MFAP1: variants seen among roughly 807,000 people sequenced by gnomAD.
MFAP1 encodes the protein microfibril associated protein 1.
In MFAP1, 18 loss-of-function variants were observed where a neutral mutation model predicts 62.2. The observed-to-expected ratio is 0.29, with a 90% CI of 0.20 to 0.43. MFAP1 has a LOEUF of 0.43. Among genes scored for constraint, MFAP1 ranks in the 20% least tolerant of loss-of-function variants. The probability of loss-of-function intolerance (pLI) is 1.00; values close to 1 mark genes in which losing one functional copy is unlikely to be tolerated. For missense variants in MFAP1, 355 were observed against 559.7 expected, an observed-to-expected ratio of 0.63 and a Z score of 3.69; for synonymous variants, 175 against 180.4, an observed-to-expected ratio of 0.97 and a Z score of 0.24.
In MFAP1 at chr15:43,812,980, T is replaced by C. The variant is rs765071360; in HGVS notation, c.887+7A>G. 6 of 1,613,950 alleles carry C rather than the reference T, an allele frequency of 3.7e-6. No individual in the cohort carries two copies. The highest frequency in any genetic ancestry group is 3.3e-5 in the South Asian group (3 of 91,032). On this transcript the variant is annotated splice_region_variant and intron_variant, in intron 6 of 8. Transcript: ENST00000267812. ...AGCATTAACTCTAGGCTCATCTTTTTACTCACGCTTCTCGATCTTCTCTGT... is the reference window on the plus strand; with the variant it reads ...AGCATTAACTCTAGGCTCATCTTTTCACTCACGCTTCTCGATCTTCTCTGT...
At position 43,804,753 on chromosome 15, in the gene MFAP1, G is replaced by A. The variant is rs2087350901; in HGVS notation, c.*341C>T. 1 of 202,972 alleles carries A rather than the reference G, an allele frequency of 4.9e-6. No homozygotes were observed. Among genetic ancestry groups the A allele is most frequent in the Admixed American group, 5.9e-5 (1 of 16,980 alleles). 12.6% of individuals were successfully genotyped at this position (202,972 alleles called of 1,614,324 possible). ...GAAGTAATGCATTGTTCACTTACAT[G>A]TCCACTTTTCTAACCCAAGCTAAGG... On this transcript the variant is annotated 3_prime_UTR_variant, in exon 9 of 9. Transcript: ENST00000267812.
At chr15:43,820,289 C>G (rs1422261608) in intron 1 of MFAP1, among the ~76,000 whole-genome samples, 1 of 152,160 alleles carries the variant, frequency 6.6e-6, no homozygotes, top group African/African-American at 2.4e-5. Flanking sequence ...TGCACTCCAG[C>G]CTAGGCGACA....
At chr15:43,807,217 G>A (rs1329054421) in intron 7 of MFAP1, among the ~76,000 whole-genome samples, 1 of 151,384 alleles carries the variant, frequency 6.6e-6, no homozygotes, top group African/African-American at 2.4e-5. Flanking sequence ...TGGGCGTGGT[G>A]GTACACGCCT....
intron 6 of MFAP1, among the ~76,000 whole-genome samples, chr15:43,810,558 G>T (rs866998779): frequency 1.3e-5 from 2 of 151,884 alleles, no homozygotes; most frequent in East Asian, 1.9e-4. Flanking sequence ...TAGTAGAGAC[G>T]GGGTTTCACC....
At chr15:43,820,210 C>G (rs1015108190) in intron 1 of MFAP1, among the ~76,000 whole-genome samples, 1 of 151,792 alleles carries the variant, frequency 6.6e-6, no homozygotes, top group Non-Finnish European at 1.5e-5. Context: ...CCCAGCTACT[C>G]AAGAGGCTGA....
intron 7 of MFAP1, among the ~76,000 whole-genome samples, chr15:43,806,563 T>A (rs1044131748): frequency 6.6e-6 from 1 of 152,192 alleles, no homozygotes; most frequent in African/African-American, 2.4e-5. Context: ...AAAACTTCAA[T>A]GGTTGTCTAT....
At chr15:43,805,728 T>C (rs962925721) in intron 7 of MFAP1, among the ~76,000 whole-genome samples, 2 of 152,004 alleles carry the variant, frequency 1.3e-5, no homozygotes, top group Non-Finnish European at 2.9e-5. Context: ...TTCTCCTGCC[T>C]CAGCCTCCCG....
Position 43,817,341 on chromosome 15 carries a change from T to A in MFAP1, c.187A>T (p.Ile63Phe). ...SDEEDEEFQF[I>F]KKAKEQEAEP... ...GCTTCTTGTTCTTTGGCTTTCTTAA[T>A]GAACTGAAATTCTTCATCCTCCTCA... The change falls in exon 2 of 9, where the codon ATT (isoleucine) becomes TTT (phenylalanine). Residue 63 changes from isoleucine to phenylalanine, a missense_variant. Transcript: ENST00000267812. The A allele has an allele frequency of 6.2e-7, 1 of 1,614,194 alleles. No homozygotes were observed. The highest frequency in any genetic ancestry group is 1.1e-5 in the South Asian group (1 of 91,082).
Position 43,824,614 on chromosome 15 carries a change from A to G in MFAP1, c.-45T>C. 2 of 1,596,640 alleles carry G rather than the reference A, an allele frequency of 1.3e-6. No individual in the cohort carries two copies. Among genetic ancestry groups the G allele is most frequent in the Non-Finnish European group, 1.7e-6 (2 of 1,164,120 alleles). On this transcript the variant is annotated 5_prime_UTR_variant, in exon 1 of 9. Coordinates refer to ENST00000267812, the MANE Select transcript of MFAP1 (RefSeq NM_005926.3). ...ATTCCCGAAACTTGACTAATTCCAAACAGTGAACACCAGCAACGTCAACGA... is the reference window on the plus strand; with the variant it reads ...ATTCCCGAAACTTGACTAATTCCAAGCAGTGAACACCAGCAACGTCAACGA...
At chr15:43,809,458 T>C (rs1479760715) in intron 7 of MFAP1, among the ~76,000 whole-genome samples, 1 of 151,468 alleles carries the variant, frequency 6.6e-6, no homozygotes, top group Non-Finnish European at 1.5e-5. Context: ...CGCACCACCG[T>C]ACCCCAGCCT....
Position 43,811,978 on chromosome 15 carries a change from T to C in MFAP1, c.887+1009A>G, listed in dbSNP as rs565965242. Among the ~76,000 whole-genome samples, 65 of 152,116 alleles carry C rather than the reference T, an allele frequency of 4.3e-4. 1 individual carries two copies. The South Asian group carries it at 0.013, about 31-fold the overall frequency. ...GCCGAGTTGGGTGGACAACCTGAGA[T>C]CATGAGTTCGAGACCAGCCTGACCA... On this transcript the variant is annotated intron_variant, in intron 6 of 8. Transcript: ENST00000267812.
chr15:43,817,583 A>G (rs1046169348), intron 1 of MFAP1, 135 bp from the exon 2 acceptor site: 1 of 823,786 alleles, frequency 1.2e-6, no homozygotes, highest in Admixed American at 2.8e-5. Context: ...GCCACTACCC[A>G]ACCATCTACT....
At position 43,805,318 on chromosome 15, in the gene MFAP1, C is replaced by T; in HGVS notation, c.1138-42G>A. The T allele has an allele frequency of 1.9e-6, 3 of 1,599,582 alleles. No individual in the cohort carries two copies. The Admixed American group carries it at 5.2e-5, about 28-fold the overall frequency. ...TGATGAGTTATACCACCAAACAAACCATGCCTCAGCTATCAATACATCACT... is the reference window on the plus strand; with the variant it reads ...TGATGAGTTATACCACCAAACAAACTATGCCTCAGCTATCAATACATCACT... On this transcript the variant is annotated intron_variant, in intron 8 of 8. Coordinates refer to ENST00000267812, the MANE Select transcript of MFAP1 (RefSeq NM_005926.3).
At chr15:43,812,731 T>G (rs944392382) in intron 6 of MFAP1, among the ~76,000 whole-genome samples, 4 of 152,212 alleles carry the variant, frequency 2.6e-5, no homozygotes, top group Non-Finnish European at 4.4e-5. Context: ...AGTTACTAAT[T>G]TTTGTGTCTA....
At chr15:43,815,110 C>A (rs752474452) in intron 2 of MFAP1, 36 bp from the exon 3 acceptor site, 2 of 1,611,898 alleles carry the variant, frequency 1.2e-6, no homozygotes, top group East Asian at 2.2e-5. Flanking sequence ...ACACCAATGT[C>A]ATAAAAATGA....
rs114388454 is a variant in MFAP1 at position 43,813,270 on chromosome 15, T to G, written c.705A>C (p.Glu235Asp). Reference sequence around the variant, plus strand: ...GTACCTTGAGTGTGTACTTGCGCCTTTCCTCAGCCATGCGTTTTGCTTCCT... The same window carrying G: ...GTACCTTGAGTGTGTACTTGCGCCTGTCCTCAGCCATGCGTTTTGCTTCCT... ...LEQEAKRMAE[E>D]RRKYTLKIVE... The change falls in exon 5 of 9, where the codon GAA becomes GAC. Residue 235 changes from glutamate (E) to aspartate (D), a missense_variant. Around this residue, in one of 6 missense-constraint regions of MFAP1, gnomAD observed 257 missense variants for 341.3 expected, o/e 0.75. Coordinates refer to ENST00000267812, the MANE Select transcript of MFAP1 (RefSeq NM_005926.3). The G allele has an allele frequency of 2.5e-6, 4 of 1,613,514 alleles. No individual in the cohort carries two copies. The African/African-American group carries it at 5.3e-5, about 22-fold the overall frequency.
chr15:43,815,041 T>A lies in MFAP1; in HGVS notation c.333A>T (p.Glu111Asp). The change falls in exon 3 of 9, where the codon GAA becomes GAT. Residue 111 changes from glutamate (E) to aspartate (D), a missense_variant. By Grantham distance (45) the Glu-to-Asp change is conservative (BLOSUM62 2). This residue lies in a region of MFAP1 where 257 missense variants were observed against 341.3 expected (regional missense o/e 0.75). Transcript: ENST00000267812. ...LARHRKIVEP[E>D]VVGESDSEVE... The stretch of plus-strand genomic sequence containing the variant: ...CTTCTGAGTCACTCTCTCCTACCAC[T>A]TCAGGTTCCACTATTTTTCGATGTC... The A allele has an allele frequency of 1.2e-6, 2 of 1,614,192 alleles. No homozygotes were observed. Among genetic ancestry groups the A allele is most frequent in the Non-Finnish European group, 1.7e-6 (2 of 1,180,022 alleles).
At chr15:43,807,344 T>A (rs531384548) in intron 7 of MFAP1, among the ~76,000 whole-genome samples, 12 of 149,158 alleles carry the variant, frequency 8.0e-5, no homozygotes, top group Non-Finnish European at 1.8e-4. Context: ...AAAAAAAAAA[T>A]TATATATTTA....
rs1157847643 is a variant in MFAP1, at chr15:43,814,934, CT to C, written c.429+10del. On this transcript the variant is annotated intron_variant, in intron 3 of 8. Coordinates refer to ENST00000267812, the MANE Select transcript of MFAP1 (RefSeq NM_005926.3). ...ATCCAGAAAAAAACTTCCCATGTTC[CT>C]TTATCATACCTCATCATCAATTTCC... The C allele has an allele frequency of 1.2e-6, 2 of 1,612,986 alleles. No individual in the cohort carries two copies. Among genetic ancestry groups the C allele is most frequent in the East Asian group, 4.5e-5 (2 of 44,874 alleles).
Sources: gnomAD v4.1 joint callset for allele counts (sites outside exome capture counted in the v4.1 genomes callset) on GRCh38, gnomAD v4.1.1 for gene constraint, gnomAD v4.1.1 regional missense constraint, MANE v1.5 for transcripts, NCBI Gene and HGNC (gene_info 2026-07-23, HGNC 2026-07-21) for gene names.